Variants in DCDC1 observed in about 807,000 individuals in gnomAD.
DCDC1 encodes the protein doublecortin domain-containing protein 1.
A neutral mutation model predicts 178.3 loss-of-function variants in DCDC1; 200 were observed. That is an observed-to-expected ratio of 1.12 (90% CI 1.00 to 1.26). The LOEUF is 1.26. DCDC1 is among the 50% of genes most tolerant of loss of function. The pLI is 0.00. For missense variants in DCDC1, 1,983 were observed against 1,749.2 expected, an observed-to-expected ratio of 1.13 and a Z score of -2.38; for synonymous variants, 690 against 604.8, an observed-to-expected ratio of 1.14 and a Z score of -2.07.
chr11:30,895,144 G>A (rs970366823), intron 34 of DCDC1, among the ~76,000 whole-genome samples: 1 of 152,188 alleles, frequency 6.6e-6, no homozygotes, highest in East Asian at 1.9e-4. Context: ...AGCTTATTAA[G>A]TAAAAATAAT....
chr11:31,033,732 T>A (rs916563807), intron 20 of DCDC1, among the ~76,000 whole-genome samples: 1 of 145,358 alleles, frequency 6.9e-6, no homozygotes, highest in African/African-American at 2.5e-5. Context: ...CATAAGATCA[T>A]AATTGAGCTG....
At chr11:31,147,043 C>G (rs1964526417) in intron 9 of DCDC1, among the ~76,000 whole-genome samples, 1 of 152,120 alleles carries the variant, frequency 6.6e-6, no homozygotes, top group Non-Finnish European at 1.5e-5. Context: ...TGCCTAAGCA[C>G]TTGTTTTCAT....
At chr11:30,931,321 T>C (rs759780344) in intron 22 of DCDC1, among the ~76,000 whole-genome samples, 2 of 152,078 alleles carry the variant, frequency 1.3e-5, no homozygotes, top group Admixed American at 1.3e-4. Context: ...AGACTATAAA[T>C]TATATAAAGT....
intron 6 of DCDC1, 128 bp downstream of exon 6, chr11:31,305,487 G>C (rs1202217622): frequency 1.7e-6 from 2 of 1,211,670 alleles, no homozygotes; most frequent in Non-Finnish European, 1.1e-6. Context: ...CTCTTACTGA[G>C]CTGTAAATGC....
rs191433653 is a variant in DCDC1 at position 31,142,361 on chromosome 11, T to C, written c.1222-4577A>G. On this transcript the variant is annotated intron_variant, in intron 9 of 38. Transcript: ENST00000684477. ...AATCCAGGCATTGGTTTGAAAAGTT[T>C]GAATGTATAAAATCAAACTGGTGGA... 1.6e-3 allele frequency among the ~76,000 whole-genome samples: 248 copies of C among 152,296 alleles called. 1 individual carries two copies. In the Middle Eastern group the frequency reaches 0.031, roughly 19 times the overall value.
At chr11:31,222,689 A>C (rs1211761495) in intron 9 of DCDC1, among the ~76,000 whole-genome samples, 1 of 152,132 alleles carries the variant, frequency 6.6e-6, no homozygotes, top group East Asian at 1.9e-4. Context: ...GGAGTCTCTG[A>C]GGGCTCTCTT....
intron 6 of DCDC1, among the ~76,000 whole-genome samples, chr11:31,295,341 G>A (rs191143007): frequency 1.2e-4 from 18 of 152,176 alleles, no homozygotes; most frequent in African/African-American, 4.3e-4. Context: ...ACAGAGGGTC[G>A]ACTATAGTGC....
intron 1 of DCDC1, among the ~76,000 whole-genome samples, chr11:31,342,813 TA>T (rs1274247446): frequency 6.6e-6 from 1 of 152,196 alleles, no homozygotes; most frequent in African/African-American, 2.4e-5. Flanking sequence ...ATCCAATTAT[TA>T]AAAAAACGAA....
At chr11:31,260,400 A>G (rs1944703097) in intron 8 of DCDC1, among the ~76,000 whole-genome samples, 1 of 152,216 alleles carries the variant, frequency 6.6e-6, no homozygotes, top group African/African-American at 2.4e-5. Flanking sequence ...TTGGAATTTT[A>G]TGATGAAATA....
At chr11:31,190,421 G>A (rs1970002169) in intron 9 of DCDC1, among the ~76,000 whole-genome samples, 1 of 152,116 alleles carries the variant, frequency 6.6e-6, no homozygotes, top group African/African-American at 2.4e-5. Context: ...GTTAATCACT[G>A]CATATATGTG....
intron 9 of DCDC1, among the ~76,000 whole-genome samples, chr11:31,190,565 T>C (rs1970018974): frequency 6.6e-6 from 1 of 152,080 alleles, no homozygotes; most frequent in Non-Finnish European, 1.5e-5. Flanking sequence ...AACATCTTGC[T>C]TCAAATACTT....
chr11:31,179,377 C>T (rs945504343), intron 9 of DCDC1, among the ~76,000 whole-genome samples: 11 of 152,100 alleles, frequency 7.2e-5, no homozygotes, highest in African/African-American at 2.7e-4. Context: ...TCTGTACTCC[C>T]GTTTATTGTA....
chr11:31,141,853 G>A (rs554912317), intron 9 of DCDC1, among the ~76,000 whole-genome samples: 25 of 152,336 alleles, frequency 1.6e-4, no homozygotes, highest in Admixed American at 1.2e-3. Context: ...AGAGTTTAGC[G>A]CGAGAGCTTT....
At chr11:31,215,132 C>A in intron 9 of DCDC1, 1 of 251,404 alleles carries the variant, frequency 4.0e-6, no homozygotes, top group Non-Finnish European at 8.0e-6. Flanking sequence ...GTGTGAACAA[C>A]TAAAATAGAA....
intron 9 of DCDC1, among the ~76,000 whole-genome samples, chr11:31,225,509 A>G (rs933560249): frequency 1.3e-5 from 2 of 151,604 alleles, no homozygotes; most frequent in African/African-American, 4.8e-5. Context: ...TTTCCCCAAA[A>G]AACTATTAAA....
chr11:31,306,000 A>G (rs1948430837), intron 5 of DCDC1, among the ~76,000 whole-genome samples: 1 of 152,164 alleles, frequency 6.6e-6, no homozygotes, highest in African/African-American at 2.4e-5. Flanking sequence ...TGTCATTTTA[A>G]TAACTCTACA....
intron 36 of DCDC1, among the ~76,000 whole-genome samples, chr11:30,891,701 T>A (rs1173835494): frequency 6.6e-6 from 1 of 152,250 alleles, no homozygotes; most frequent in Admixed American, 6.5e-5. Context: ...ACTTTCCTTT[T>A]TTCCCTACAT....
intron 9 of DCDC1, among the ~76,000 whole-genome samples, chr11:31,200,297 T>C (rs1385209123): frequency 6.6e-6 from 1 of 152,118 alleles, no homozygotes; most frequent in African/African-American, 2.4e-5. Context: ...CATCAGAAGA[T>C]ACTGCCTTGC....
intron 21 of DCDC1, among the ~76,000 whole-genome samples, chr11:30,941,972 G>A (rs1010535285): frequency 2.0e-5 from 3 of 152,010 alleles, no homozygotes; most frequent in Non-Finnish European, 2.9e-5. Context: ...TAACAACAGC[G>A]ACAAACAATA....
Sources: allele counts gnomAD v4.1 joint callset (sites outside exome capture counted in the v4.1 genomes callset), GRCh38; gene constraint gnomAD v4.1.1; transcripts MANE v1.5; gene names NCBI Gene and HGNC (gene_info 2026-07-23, HGNC 2026-07-21).